The following LSAMP variants were observed in gnomAD, a reference collection of about 807,000 sequenced individuals.
LSAMP encodes limbic system-associated membrane protein.
A neutral mutation model predicts 38.6 loss-of-function variants in LSAMP; 7 were observed. That is an observed-to-expected ratio of 0.18 (90% CI 0.10 to 0.34). The LOEUF is 0.34. Ranked by LOEUF, LSAMP falls within the 10% of genes least tolerant of loss-of-function variation. LSAMP has a pLI of 1.00. For synonymous variants in LSAMP, 154 were observed against 166.8 expected, an observed-to-expected ratio of 0.92 and a Z score of 0.59; for missense variants, 313 against 420.0, an observed-to-expected ratio of 0.75 and a Z score of 2.23.
At chr3:116,250,487 A>C (rs2046666458) in intron 1 of LSAMP, among the ~76,000 whole-genome samples, 1 of 152,156 alleles carries the variant, frequency 6.6e-6, no homozygotes, top group South Asian at 2.1e-4. Context: ...ATAGAAATTA[A>C]ACACAAATTA....
chr3:115,882,792 T>A (rs1013468040), intron 3 of LSAMP, among the ~76,000 whole-genome samples: 1 of 152,050 alleles, frequency 6.6e-6, no homozygotes, highest in Non-Finnish European at 1.5e-5. Context: ...CCCATTCTTA[T>A]TTTTGGACTC....
chr3:116,099,220 A>T (rs952825761), intron 1 of LSAMP, among the ~76,000 whole-genome samples: 1 of 152,172 alleles, frequency 6.6e-6, no homozygotes, highest in Non-Finnish European at 1.5e-5. Context: ...CAAAAGTACC[A>T]TCTCTTTAGC....
intron 1 of LSAMP, among the ~76,000 whole-genome samples, chr3:116,220,647 G>A (rs1436872570): frequency 1.3e-5 from 2 of 152,126 alleles, no homozygotes; most frequent in Non-Finnish European, 2.9e-5. Flanking sequence ...AATCATTACG[G>A]ATTCTCGAGC....
chr3:115,861,410 A>G (rs536203880), intron 3 of LSAMP, among the ~76,000 whole-genome samples: 10 of 152,002 alleles, frequency 6.6e-5, no homozygotes, highest in Non-Finnish European at 1.2e-4. Context: ...AAGATTTCAA[A>G]AAATTGTGAT....
chr3:116,097,966 C>T (rs889344182), intron 1 of LSAMP, among the ~76,000 whole-genome samples: 13 of 152,024 alleles, frequency 8.6e-5, no homozygotes, highest in African/African-American at 2.4e-4. Flanking sequence ...AACTCTTGAC[C>T]TCAGGTGATC....
chr3:116,428,195 C>A (rs1308149564), intron 1 of LSAMP, among the ~76,000 whole-genome samples: 5 of 152,080 alleles, frequency 3.3e-5, no homozygotes, highest in Admixed American at 3.3e-4. Context: ...CTGCAAATTT[C>A]TTTATTAAGA....
intron 3 of LSAMP, among the ~76,000 whole-genome samples, chr3:115,887,125 C>A (rs1452677973): frequency 6.6e-6 from 1 of 151,776 alleles, no homozygotes; most frequent in East Asian, 1.9e-4. Flanking sequence ...AAGGAATAGC[C>A]TATCTAAACA....
intron 3 of LSAMP, among the ~76,000 whole-genome samples, chr3:115,970,235 A>G (rs1938970613): frequency 6.6e-6 from 1 of 152,184 alleles, no homozygotes; most frequent in Admixed American, 6.6e-5. Context: ...TCACCTTGGA[A>G]TAGGTGTTTC....
intron 3 of LSAMP, among the ~76,000 whole-genome samples, chr3:115,929,422 T>G (rs1553750069): frequency 6.6e-6 from 1 of 152,008 alleles, no homozygotes; most frequent in Non-Finnish European, 1.5e-5. Context: ...ATAGGTGATA[T>G]TTCAACAAAT....
intron 3 of LSAMP, among the ~76,000 whole-genome samples, chr3:116,013,784 A>G (rs1302965801): frequency 6.6e-6 from 1 of 152,222 alleles, no homozygotes; most frequent in Non-Finnish European, 1.5e-5. Context: ...AAAGAAAAGT[A>G]GCATAACAAA....
chr3:116,083,916 C>T (rs118098336), intron 2 of LSAMP, among the ~76,000 whole-genome samples: 5 of 152,230 alleles, frequency 3.3e-5, no homozygotes, highest in East Asian at 1.9e-4. Context: ...CTAATATGTA[C>T]GTAATTGTCC....
chr3:115,886,067 G>A (rs1936445975), intron 3 of LSAMP, among the ~76,000 whole-genome samples: 1 of 152,084 alleles, frequency 6.6e-6, no homozygotes, highest in African/African-American at 2.4e-5. Context: ...TCTAGTGTTT[G>A]AGGACAAGGG....
chr3:116,396,245 C>T (rs1241201513), intron 1 of LSAMP, among the ~76,000 whole-genome samples: 1 of 152,166 alleles, frequency 6.6e-6, no homozygotes, highest in Non-Finnish European at 1.5e-5. Flanking sequence ...TTATGCAATT[C>T]TATCCTCTAA....
At chr3:115,950,968 G>C (rs1196568100) in intron 3 of LSAMP, among the ~76,000 whole-genome samples, 1 of 151,996 alleles carries the variant, frequency 6.6e-6, no homozygotes, top group Non-Finnish European at 1.5e-5. Context: ...GTCAAATAAA[G>C]CCAGATACTT....
chr3:116,227,015 GT>G (rs1201946215), intron 1 of LSAMP, among the ~76,000 whole-genome samples: 2 of 151,350 alleles, frequency 1.3e-5, no homozygotes, highest in East Asian at 1.9e-4. Flanking sequence ...AATTGAAGGT[GT>G]TTTTTTTTCC....
intron 1 of LSAMP, among the ~76,000 whole-genome samples, chr3:116,160,324 G>A (rs1026636735): frequency 1.2e-4 from 18 of 150,742 alleles, no homozygotes; most frequent in African/African-American, 2.9e-4. Flanking sequence ...GCTTGAACCC[G>A]GGAGGCGGAG....
At chr3:116,128,377 A>G (rs146763008) in intron 1 of LSAMP, among the ~76,000 whole-genome samples, 5 of 152,362 alleles carry the variant, frequency 3.3e-5, no homozygotes, top group Middle Eastern at 3.4e-3. Context: ...TTCAGAAGCC[A>G]TACTTTTCCC....
chr3:116,166,350 G>A (rs1193624573), intron 1 of LSAMP, among the ~76,000 whole-genome samples: 1 of 152,160 alleles, frequency 6.6e-6, no homozygotes, highest in Non-Finnish European at 1.5e-5. Flanking sequence ...CTATTTTTTA[G>A]ATGAGGAAAC....
At chr3:116,105,443 G>C (rs1234928440) in intron 1 of LSAMP, among the ~76,000 whole-genome samples, 4 of 152,154 alleles carry the variant, frequency 2.6e-5, no homozygotes, top group Non-Finnish European at 5.9e-5. Context: ...CAGGTGGGCT[G>C]AGTCCGAAAG....
Sources: allele counts gnomAD v4.1 joint callset (sites outside exome capture counted in the v4.1 genomes callset), GRCh38; gene constraint gnomAD v4.1.1; transcripts MANE v1.5; gene names NCBI Gene and HGNC (gene_info 2026-07-23, HGNC 2026-07-21).